MKLN1: variants seen among roughly 807,000 people sequenced by gnomAD.
The protein encoded by MKLN1 is muskelin 1.
Under a neutral mutation model 99.0 loss-of-function variants are expected in MKLN1, and 18 were observed. That is an observed-to-expected ratio of 0.18 (90% CI 0.13 to 0.27). The LOEUF (loss-of-function observed/expected upper bound fraction) is 0.27. Ranked by LOEUF, MKLN1 falls within the 10% of genes least tolerant of loss-of-function variation. The pLI, the probability that MKLN1 is intolerant of heterozygous loss-of-function variation, is 1.00. For missense variants in MKLN1, 621 were observed against 875.9 expected (o/e 0.71, Z 3.67); for synonymous variants, 288 against 293.2 (o/e 0.98, Z 0.18).
chr7:131,188,116 T>C (rs1401246298), intron 2 of MKLN1, among the ~76,000 whole-genome samples: 1 of 152,110 alleles, frequency 6.6e-6, no homozygotes, highest in African/African-American at 2.4e-5. Flanking sequence ...AAATTCACCA[T>C]TAAGGAGAGA....
chr7:131,349,230 CTG>C (rs1799649515), intron 1 of MKLN1, among the ~76,000 whole-genome samples: 1 of 149,366 alleles, frequency 6.7e-6, no homozygotes. Context: ...GAGTCTTGCT[CTG>C]TTGCCCAGGC....
chr7:131,358,219 C>T (rs1405895984), intron 1 of MKLN1, among the ~76,000 whole-genome samples: 2 of 152,074 alleles, frequency 1.3e-5, no homozygotes, highest in Non-Finnish European at 2.9e-5. Context: ...AGAGGGCTGC[C>T]TGAATTCCTA....
chr7:131,388,490 G>A (rs1794097335), intron 3 of MKLN1, among the ~76,000 whole-genome samples: 1 of 152,118 alleles, frequency 6.6e-6, no homozygotes, highest in Admixed American at 6.5e-5. Flanking sequence ...AAATTCTTTG[G>A]CGTATTCTAA....
At chr7:131,125,302 T>C (rs548306648) in intron 1 of MKLN1, among the ~76,000 whole-genome samples, 115 of 152,346 alleles carry the variant, frequency 7.5e-4, no homozygotes, top group African/African-American at 2.5e-3. Context: ...TATTCTGTGC[T>C]TAATTCTAAC....
chr7:131,354,942 T>G (rs1799829668), intron 1 of MKLN1, among the ~76,000 whole-genome samples: 1 of 152,122 alleles, frequency 6.6e-6, no homozygotes, highest in Non-Finnish European at 1.5e-5. Context: ...TTCTATTTAT[T>G]TTTATTTTTA....
chr7:131,250,078 G>A (rs1244372717), intron 3 of MKLN1, among the ~76,000 whole-genome samples: 1 of 152,172 alleles, frequency 6.6e-6, no homozygotes, highest in Non-Finnish European at 1.5e-5. Context: ...AATAATGTGG[G>A]CCCAGCCTAT....
intron 1 of MKLN1, among the ~76,000 whole-genome samples, chr7:131,139,819 G>A (rs1283129567): frequency 1.3e-5 from 2 of 152,144 alleles, no homozygotes; most frequent in Non-Finnish European, 2.9e-5. Flanking sequence ...GACACAAAAG[G>A]CTAATTTGGT....
At chr7:131,264,637 C>T (rs769799465) in intron 3 of MKLN1, among the ~76,000 whole-genome samples, 12 of 151,882 alleles carry the variant, frequency 7.9e-5, no homozygotes, top group Non-Finnish European at 1.6e-4. Flanking sequence ...TTTGGGTCCC[C>T]GGAGGGTTTT....
intron 1 of MKLN1, among the ~76,000 whole-genome samples, chr7:131,135,653 C>T (rs1046534591): frequency 6.6e-6 from 1 of 152,110 alleles, no homozygotes; most frequent in Non-Finnish European, 1.5e-5. Context: ...AAGGGGTGAA[C>T]ATTGTGCCAA....
At chr7:131,424,604 G>A (rs1270382742) in intron 8 of MKLN1, among the ~76,000 whole-genome samples, 6 of 149,892 alleles carry the variant, frequency 4.0e-5, no homozygotes, top group African/African-American at 1.5e-4. Context: ...GTGTAGATTG[G>A]TACTACTGGT....
chr7:131,206,035 A>G, intron 3 of MKLN1, among the ~76,000 whole-genome samples: 1 of 151,986 alleles, frequency 6.6e-6, no homozygotes, highest in East Asian at 1.9e-4. Flanking sequence ...CTGGGACTAC[A>G]GGTGGGTGCC....
At chr7:131,157,427 T>G (rs892458802) in intron 2 of MKLN1, among the ~76,000 whole-genome samples, 1 of 151,968 alleles carries the variant, frequency 6.6e-6, no homozygotes, top group African/African-American at 2.4e-5. Context: ...AGAGCAAAAA[T>G]TTTTAGAGAC....
At chr7:131,394,803 T>G (rs937900260) in intron 4 of MKLN1, among the ~76,000 whole-genome samples, 2 of 152,080 alleles carry the variant, frequency 1.3e-5, no homozygotes, top group African/African-American at 2.4e-5. Context: ...GATAGTTGCA[T>G]TATTGATTCT....
intron 2 of MKLN1, among the ~76,000 whole-genome samples, chr7:131,191,828 C>T (rs910194081): frequency 1.3e-5 from 2 of 150,464 alleles, no homozygotes; most frequent in Non-Finnish European, 3.0e-5. Context: ...ATTCTCATGC[C>T]TCAGCCTCTC....
At chr7:131,318,826 A>G (rs1374210552) in intron 3 of MKLN1, among the ~76,000 whole-genome samples, 22 of 152,230 alleles carry the variant, frequency 1.4e-4, no homozygotes, top group Non-Finnish European at 2.9e-4. Context: ...CCTCTATGCA[A>G]ATAAACTAGA....
At chr7:131,482,397 A>C (rs894983651) in intron 17 of MKLN1, among the ~76,000 whole-genome samples, 8 of 152,074 alleles carry the variant, frequency 5.3e-5, no homozygotes, top group African/African-American at 1.9e-4. Flanking sequence ...TGTAGAGATG[A>C]GATCTCACTG....
chr7:131,117,456 CAACA>C (rs947349093), intron 1 of MKLN1, among the ~76,000 whole-genome samples: 8 of 149,802 alleles, frequency 5.3e-5, no homozygotes, highest in South Asian at 4.3e-4. Context: ...ACAACAACAA[CAACA>C]AACAAACAAA....
intron 1 of MKLN1, among the ~76,000 whole-genome samples, chr7:131,361,705 G>C: frequency 6.6e-6 from 1 of 150,580 alleles, no homozygotes; most frequent in East Asian, 1.9e-4. Flanking sequence ...CCCAACATCT[G>C]ATCTTAAGTG....
rs558554520 is a variant in MKLN1, at chr7:131,397,244, CT to C, written c.401-18del. 310 of 1,437,964 alleles carry C rather than the reference CT, an allele frequency of 2.2e-4. 1 individual carries two copies. The South Asian group carries it at 3.3e-3, about 15-fold the overall frequency. The allele number at this position is 1,437,964 out of a possible 1,614,324, so 89.1% of individuals were successfully genotyped here. On this transcript the variant is annotated intron_variant, in intron 4 of 17. Transcript: ENST00000352689. The stretch of plus-strand genomic sequence containing the variant: ...GAACTGTGTTAATATTTTTCTTCTT[CT>C]TTTTGTTTTTTCTCCTTAAAGTTCC...
Sources: allele counts gnomAD v4.1 joint callset (sites outside exome capture counted in the v4.1 genomes callset), GRCh38; gene constraint gnomAD v4.1.1; transcripts MANE v1.5; gene names NCBI Gene and HGNC (gene_info 2026-07-23, HGNC 2026-07-21).